The following SGCZ variants were observed in gnomAD, a reference collection of about 807,000 sequenced individuals.
SGCZ encodes the protein sarcoglycan zeta.
Under a neutral mutation model 41.3 loss-of-function variants are expected in SGCZ, and 40 were observed. The observed-to-expected ratio is 0.97, with a 90% CI of 0.75 to 1.26. SGCZ has a LOEUF of 1.26. SGCZ is among the 50% of genes most tolerant of loss of function. The pLI is 0.00. For synonymous variants in SGCZ, 206 were observed against 137.5 expected, an observed-to-expected ratio of 1.50 and a Z score of -3.49; for missense variants, 552 against 369.8, an observed-to-expected ratio of 1.49 and a Z score of -4.04.
chr8:15,215,469 T>C (rs1204379414), intron 1 of SGCZ, among the ~76,000 whole-genome samples: 2 of 152,302 alleles, frequency 1.3e-5, no homozygotes, highest in East Asian at 1.9e-4. Flanking sequence ...TAGATTTCTG[T>C]CTGGAACATA....
chr8:14,521,353 G>T (rs1362320770), intron 2 of SGCZ, among the ~76,000 whole-genome samples: 1 of 152,138 alleles, frequency 6.6e-6, no homozygotes, highest in East Asian at 1.9e-4. Context: ...TAATTTTCCA[G>T]AGATTCCTCC....
At chr8:15,028,102 C>G (rs889095499) in intron 1 of SGCZ, among the ~76,000 whole-genome samples, 4 of 152,214 alleles carry the variant, frequency 2.6e-5, no homozygotes, top group African/African-American at 7.2e-5. Flanking sequence ...CAACTTTCCT[C>G]CACTAATAAA....
intron 1 of SGCZ, among the ~76,000 whole-genome samples, chr8:14,993,624 G>C (rs1334480116): frequency 6.6e-6 from 1 of 152,188 alleles, no homozygotes; most frequent in Non-Finnish European, 1.5e-5. Context: ...CATAATTTGA[G>C]CAAAGACAAG....
intron 2 of SGCZ, among the ~76,000 whole-genome samples, chr8:14,446,304 C>T (rs1800431070): frequency 2.0e-5 from 3 of 152,168 alleles, no homozygotes; most frequent in Admixed American, 1.3e-4. Context: ...CAAAGCTTAC[C>T]AGCTCCCAAA....
chr8:14,340,553 T>C (rs1295245072), intron 2 of SGCZ, among the ~76,000 whole-genome samples: 2 of 152,106 alleles, frequency 1.3e-5, no homozygotes, highest in Non-Finnish European at 2.9e-5. Context: ...CCAGAATTTA[T>C]CGAAATGACC....
At chr8:14,223,563 G>C (rs1286557242) in intron 4 of SGCZ, among the ~76,000 whole-genome samples, 1 of 151,630 alleles carries the variant, frequency 6.6e-6, no homozygotes, top group African/African-American at 2.4e-5. Context: ...AACAGAATTA[G>C]TGAGCTGTTG....
chr8:14,805,728 A>G (rs1453365805), intron 1 of SGCZ, among the ~76,000 whole-genome samples: 2 of 152,136 alleles, frequency 1.3e-5, no homozygotes, highest in Non-Finnish European at 2.9e-5. Flanking sequence ...TACCAAGCGG[A>G]CGTAATAGAC....
At chr8:14,516,333 G>A (rs900484188) in intron 2 of SGCZ, among the ~76,000 whole-genome samples, 1 of 151,750 alleles carries the variant, frequency 6.6e-6, no homozygotes, top group South Asian at 2.1e-4. Flanking sequence ...TGTGTCTGTT[G>A]TTCCTTCTTC....
chr8:15,190,473 T>C (rs962998172), intron 1 of SGCZ, among the ~76,000 whole-genome samples: 9 of 151,998 alleles, frequency 5.9e-5, no homozygotes, highest in Admixed American at 2.6e-4. Flanking sequence ...GTCAGAGAAA[T>C]AGGCAAGTCA....
At chr8:14,609,565 G>A (rs1418519309) in intron 1 of SGCZ, among the ~76,000 whole-genome samples, 1 of 152,152 alleles carries the variant, frequency 6.6e-6, no homozygotes, top group Non-Finnish European at 1.5e-5. Flanking sequence ...AACACTATAT[G>A]AGGTTCAGAC....
intron 5 of SGCZ, among the ~76,000 whole-genome samples, chr8:14,130,685 A>T (rs1219433180): frequency 1.3e-5 from 2 of 152,214 alleles, no homozygotes; most frequent in Non-Finnish European, 2.9e-5. Flanking sequence ...TTTTCTAACG[A>T]AAAACAGCTT....
intron 1 of SGCZ, among the ~76,000 whole-genome samples, chr8:14,983,281 T>C (rs1052340137): frequency 1.3e-5 from 2 of 151,442 alleles, no homozygotes; most frequent in African/African-American, 2.4e-5. Context: ...CAACTGCAGG[T>C]TGAACTGGTA....
intron 1 of SGCZ, among the ~76,000 whole-genome samples, chr8:14,806,423 C>T (rs576902128): frequency 2.0e-5 from 3 of 151,246 alleles, no homozygotes; most frequent in African/African-American, 7.3e-5. Context: ...CACAGAAATA[C>T]AAACTACCAT....
chr8:14,728,357 A>T (rs961396671), intron 1 of SGCZ, among the ~76,000 whole-genome samples: 2 of 149,640 alleles, frequency 1.3e-5, no homozygotes, highest in Non-Finnish European at 3.0e-5. Context: ...AAAAAAAAAA[A>T]GTAGAACCAA....
chr8:15,009,591 A>G (rs567822178), intron 1 of SGCZ, among the ~76,000 whole-genome samples: 101 of 152,318 alleles, frequency 6.6e-4, no homozygotes, highest in African/African-American at 2.2e-3. Flanking sequence ...AGTGAAAATC[A>G]TGGAAAAAAA....
At position 14,351,162 on chromosome 8, in the gene SGCZ, G is replaced by C. The variant is rs73518238; in HGVS notation, c.235-26958C>G. On this transcript the variant is annotated intron_variant, in intron 2 of 7. Coordinates refer to ENST00000382080, the MANE Select transcript of SGCZ (RefSeq NM_139167.4). Reference sequence around the variant, plus strand: ...AGAAAGTCTACCTATGAAAATAAAAGTACTGCGTCTGTAAAAGAGCTACAT... The same window carrying C: ...AGAAAGTCTACCTATGAAAATAAAACTACTGCGTCTGTAAAAGAGCTACAT... Among the ~76,000 whole-genome samples, 343 of 152,200 alleles carry C rather than the reference G, an allele frequency of 2.3e-3. 2 individuals are homozygous for C. Among genetic ancestry groups the C allele is most frequent in the African/African-American group, 7.8e-3 (326 of 41,544 alleles).
rs552377029 is a variant in SGCZ at position 14,707,338 on chromosome 8, G to A, written c.40-152412C>T. 3.3e-4 allele frequency among the ~76,000 whole-genome samples: 50 copies of A among 151,844 alleles called. 1 individual carries two copies. The highest frequency in any genetic ancestry group is 1.1e-3 in the African/African-American group (47 of 41,342). ...CTTGATGTGTGTACACATGTATTCA[G>A]CCATTAGAAAATTTAACAAACGATG... is the stretch of plus-strand genomic sequence containing the variant. On this transcript the variant is annotated intron_variant, in intron 1 of 7. Coordinates refer to ENST00000382080, the MANE Select transcript of SGCZ (RefSeq NM_139167.4).
intron 2 of SGCZ, among the ~76,000 whole-genome samples, chr8:14,548,141 C>T (rs73533130): frequency 1.3e-5 from 2 of 152,104 alleles, no homozygotes; most frequent in African/African-American, 2.4e-5. Context: ...ATAGATCACA[C>T]CCACTCTACA....
At chr8:14,417,625 G>C (rs889147490) in intron 2 of SGCZ, among the ~76,000 whole-genome samples, 1 of 151,430 alleles carries the variant, frequency 6.6e-6, no homozygotes, top group Admixed American at 6.6e-5. Flanking sequence ...ACAATATTTT[G>C]AATAAACATA....
Sources: allele counts gnomAD v4.1 joint callset (sites outside exome capture counted in the v4.1 genomes callset), GRCh38; gene constraint gnomAD v4.1.1; transcripts MANE v1.5; gene names NCBI Gene and HGNC (gene_info 2026-07-23, HGNC 2026-07-21).